RAI14: variants seen among roughly 807,000 people sequenced by gnomAD.
RAI14 encodes retinoic acid induced 14, also known as ankycorbin.
A neutral mutation model predicts 115.4 loss-of-function variants in RAI14; 45 were observed. That is an observed-to-expected ratio of 0.39 (90% CI 0.31 to 0.50). RAI14 has a LOEUF of 0.50. Among genes scored for constraint, RAI14 ranks in the 20% least tolerant of loss-of-function variants. The pLI is 0.85. For synonymous variants in RAI14, 371 were observed against 415.4 expected (o/e 0.89, Z 1.30); for missense variants, 939 against 1,131.2 (o/e 0.83, Z 2.44).
intron 3 of RAI14, among the ~76,000 whole-genome samples, chr5:34,784,568 A>G (rs1400892728): frequency 6.6e-6 from 1 of 152,178 alleles, no homozygotes; most frequent in Non-Finnish European, 1.5e-5. Context: ...CCCATTTCCT[A>G]TCATAGTAGT....
chr5:34,808,554 G>A (rs1269575401), intron 6 of RAI14, 30 bp from the exon 7 acceptor site: 2 of 1,602,978 alleles, frequency 1.2e-6, no homozygotes, highest in Non-Finnish European at 1.7e-6. Flanking sequence ...TGTGTGATTG[G>A]CTGTGGTATT....
chr5:34,749,045 C>A (rs1267636224), intron 2 of RAI14, among the ~76,000 whole-genome samples: 1 of 152,114 alleles, frequency 6.6e-6, no homozygotes, highest in Non-Finnish European at 1.5e-5. Flanking sequence ...TCCTTGTACC[C>A]TTTCTTAAAA....
At chr5:34,789,419 T>C (rs780957636) in intron 3 of RAI14, among the ~76,000 whole-genome samples, 32 of 152,354 alleles carry the variant, frequency 2.1e-4, no homozygotes, top group Middle Eastern at 6.8e-3. Context: ...GGCTTGCTGC[T>C]GCCAAACCCT....
At chr5:34,754,397 C>T (rs1025000404) in intron 2 of RAI14, among the ~76,000 whole-genome samples, 1 of 152,112 alleles carries the variant, frequency 6.6e-6, no homozygotes, top group African/African-American at 2.4e-5. Context: ...GAGCAAAACT[C>T]TTCTTAAAAT....
chr5:34,665,520 A>T (rs1321750574), intron 1 of RAI14, among the ~76,000 whole-genome samples: 2 of 149,484 alleles, frequency 1.3e-5, no homozygotes, highest in African/African-American at 4.9e-5. Context: ...TCTAAGAGGA[A>T]TCCATTTGCA....
At chr5:34,776,274 G>T (rs1750822866) in intron 3 of RAI14, among the ~76,000 whole-genome samples, 1 of 152,170 alleles carries the variant, frequency 6.6e-6, no homozygotes, top group Admixed American at 6.6e-5. Context: ...AGGGTAGTGG[G>T]TTGGGGGAAA....
chr5:34,681,836 A>G (rs922334623), intron 1 of RAI14, among the ~76,000 whole-genome samples: 16 of 144,584 alleles, frequency 1.1e-4, no homozygotes, highest in Admixed American at 4.2e-4. Flanking sequence ...GAGGTTTCTA[A>G]CCTGGAATTT....
intron 12 of RAI14, among the ~76,000 whole-genome samples, chr5:34,817,795 G>A (rs1204716901): frequency 6.6e-6 from 1 of 152,200 alleles, no homozygotes; most frequent in Non-Finnish European, 1.5e-5. Flanking sequence ...GAAAAAAAGA[G>A]TTGTGGTTGC....
chr5:34,697,874 T>C (rs967516669), intron 2 of RAI14, among the ~76,000 whole-genome samples: 3 of 152,316 alleles, frequency 2.0e-5, no homozygotes, highest in East Asian at 1.9e-4. Flanking sequence ...AGCAAAACTT[T>C]AGAACAAATC....
intron 3 of RAI14, among the ~76,000 whole-genome samples, chr5:34,762,459 G>T (rs954259881): frequency 2.0e-5 from 3 of 152,090 alleles, no homozygotes; most frequent in Non-Finnish European, 4.4e-5. Flanking sequence ...TTTCTTTCTG[G>T]AGTATTTTCT....
rs779370833 is a variant in RAI14 at position 34,791,731 on chromosome 5, C to T, written c.168-4208C>T. Among the ~76,000 whole-genome samples the T allele has an allele frequency of 2.0e-4, 30 of 152,172 alleles. No individual in the cohort carries two copies. Among genetic ancestry groups the T allele is most frequent in the Admixed American group, 2.0e-4 (3 of 15,270 alleles). On this transcript the variant is annotated intron_variant, in intron 3 of 17. Coordinates refer to ENST00000265109, the MANE Select transcript of RAI14 (RefSeq NM_015577.3). The surrounding 1 kb of genome is among the most constrained non-coding windows in gnomAD (Gnocchi z 5.4). ...GGGAAACCAGTAAGGTTGGGAATGCCGCCCAGGATTCTAACAAGAGTGAGA... is the reference window on the plus strand; with the variant it reads ...GGGAAACCAGTAAGGTTGGGAATGCTGCCCAGGATTCTAACAAGAGTGAGA...
At chr5:34,755,330 G>A (rs1747747337) in intron 2 of RAI14, among the ~76,000 whole-genome samples, 1 of 152,194 alleles carries the variant, frequency 6.6e-6, no homozygotes, top group Non-Finnish European at 1.5e-5. Flanking sequence ...TAGGAGCGTG[G>A]CTGATGTTGG....
intron 3 of RAI14, among the ~76,000 whole-genome samples, chr5:34,778,709 C>G (rs1751213014): frequency 6.7e-6 from 1 of 149,770 alleles, no homozygotes; most frequent in Admixed American, 6.7e-5. Flanking sequence ...TGAGACCAGG[C>G]TGGGCAACAC....
At chr5:34,696,165 G>A (rs970435427) in intron 2 of RAI14, among the ~76,000 whole-genome samples, 2 of 151,922 alleles carry the variant, frequency 1.3e-5, no homozygotes, top group Non-Finnish European at 2.9e-5. Context: ...TTGAGACGGA[G>A]TCTTGCTCTG....
rs369970927 is a variant in RAI14, at chr5:34,729,044, A to G, written c.37-28424A>G. On this transcript the variant is annotated intron_variant, in intron 2 of 17. Coordinates refer to ENST00000265109, the MANE Select transcript of RAI14 (RefSeq NM_015577.3). Reference sequence around the variant, plus strand: ...ATGAGTGAGGGCATCGATAAAATAAAGGTGAGGCAGATAAGTGAGTTATTT... The same window carrying G: ...ATGAGTGAGGGCATCGATAAAATAAGGGTGAGGCAGATAAGTGAGTTATTT... 1.5e-3 allele frequency among the ~76,000 whole-genome samples: 222 copies of G among 152,352 alleles called. 7 individuals carry two copies. The South Asian group carries it at 0.045, about 31-fold the overall frequency.
chr5:34,752,780 T>A (rs1399076191), intron 2 of RAI14, among the ~76,000 whole-genome samples: 2 of 146,154 alleles, frequency 1.4e-5, no homozygotes, highest in East Asian at 4.0e-4. Flanking sequence ...TCTTTTCTTT[T>A]TTTTTGAGAC....
chr5:34,702,821 C>T (rs1048347754), intron 2 of RAI14, among the ~76,000 whole-genome samples: 4 of 152,204 alleles, frequency 2.6e-5, no homozygotes, highest in Non-Finnish European at 4.4e-5. Context: ...ATTCTCCTGC[C>T]TCAGCCTCCC....
At chr5:34,763,661 TA>T (rs1748974025) in intron 3 of RAI14, among the ~76,000 whole-genome samples, 1 of 152,144 alleles carries the variant, frequency 6.6e-6, no homozygotes, top group South Asian at 2.1e-4. Flanking sequence ...TGCTAACCTG[TA>T]AAATACTGCA....
At chr5:34,762,291 G>C (rs1748755257) in intron 3 of RAI14, among the ~76,000 whole-genome samples, 1 of 152,134 alleles carries the variant, frequency 6.6e-6, no homozygotes, top group Non-Finnish European at 1.5e-5. Flanking sequence ...TTTAAATAGA[G>C]AAGTACTCAA....
Sources: allele counts gnomAD v4.1 joint callset (sites outside exome capture counted in the v4.1 genomes callset), GRCh38; gene constraint gnomAD v4.1.1; non-coding constraint Gnocchi (gnomAD v3.1); transcripts MANE v1.5; gene names NCBI Gene and HGNC (gene_info 2026-07-23, HGNC 2026-07-21).